PRKAR1B: variants seen among roughly 807,000 people sequenced by gnomAD.
PRKAR1B encodes the protein cAMP-dependent protein kinase type I-beta regulatory subunit.
Under a neutral mutation model 46.5 loss-of-function variants are expected in PRKAR1B, and 22 were observed. The ratio of observed to expected loss-of-function variants is 0.47; its 90% confidence interval spans 0.34 to 0.68. The LOEUF (loss-of-function observed/expected upper bound fraction) is 0.68, where lower values mean the gene tolerates loss of function less well. PRKAR1B is among the 30% of genes least tolerant of loss of function. The pLI, the probability that PRKAR1B is intolerant of heterozygous loss-of-function variation, is 0.01. For missense variants in PRKAR1B, 445 were observed against 535.6 expected (o/e 0.83, Z 1.67); for synonymous variants, 259 against 217.7 (o/e 1.19, Z -1.67).
intron 4 of PRKAR1B, chr7:607,794 G>A (rs189456041): frequency 1.1e-4 from 27 of 244,326 alleles, no homozygotes; most frequent in African/African-American, 3.5e-4. Flanking sequence ...TTCTCCCATC[G>A]GTAAATACAA....
chr7:552,491 C>A (rs1476285829), intron 9 of PRKAR1B, among the ~76,000 whole-genome samples: 1 of 151,214 alleles, frequency 6.6e-6, no homozygotes, highest in Non-Finnish European at 1.5e-5. Flanking sequence ...CCCAAACCCC[C>A]ACCTCCCACC....
intron 4 of PRKAR1B, among the ~76,000 whole-genome samples, chr7:661,466 A>T (rs1272077607): frequency 1.2e-5 from 1 of 82,798 alleles, no homozygotes; most frequent in African/African-American, 5.1e-5. Context: ...CCCATGGCAC[A>T]GTTCCCCACC....
chr7:618,001 C>T (rs1339516291), intron 4 of PRKAR1B, among the ~76,000 whole-genome samples: 1 of 152,140 alleles, frequency 6.6e-6, no homozygotes, highest in Non-Finnish European at 1.5e-5. Flanking sequence ...AGAGGCCCCA[C>T]CCACTTTCCC....
intron 2 of PRKAR1B, among the ~76,000 whole-genome samples, chr7:697,636 A>T (rs552662438): frequency 1.7e-3 from 266 of 152,040 alleles, no homozygotes; most frequent in Non-Finnish European, 3.2e-3. Context: ...GGTCTCCAGG[A>T]GAGGGCTCAC....
intron 9 of PRKAR1B, among the ~76,000 whole-genome samples, chr7:576,359 CCTT>C (rs1413962929): frequency 6.6e-6 from 1 of 152,236 alleles, no homozygotes; most frequent in Non-Finnish European, 1.5e-5. Flanking sequence ...TTTCCCTCCT[CCTT>C]CTCTCCTTTT....
At chr7:568,204 C>G (rs1037624260) in intron 9 of PRKAR1B, among the ~76,000 whole-genome samples, 4 of 152,120 alleles carry the variant, frequency 2.6e-5, no homozygotes, top group Non-Finnish European at 4.4e-5. Flanking sequence ...CCGCTAAGCA[C>G]CCCCTCGGTC....
At chr7:672,151 G>A (rs1467161625) in intron 4 of PRKAR1B, among the ~76,000 whole-genome samples, 3 of 151,422 alleles carry the variant, frequency 2.0e-5, no homozygotes, top group African/African-American at 7.3e-5. Flanking sequence ...CTGTGGAACC[G>A]AATTTGTTTT....
At chr7:691,755 G>A in intron 2 of PRKAR1B, 1 of 1,223,494 alleles carries the variant, frequency 8.2e-7, no homozygotes, top group Non-Finnish European at 1.0e-6. Context: ...TGAGGGGATG[G>A]ACCACAGGGC....
chr7:710,699 G>T lies in PRKAR1B; in HGVS notation c.177+630C>A, dbSNP rs1230761071. Among the ~76,000 whole-genome samples the T allele has an allele frequency of 2.1e-5, 3 of 145,868 alleles. No individual in the cohort carries two copies. In the South Asian group the frequency reaches 6.4e-4, roughly 31 times the overall value. On this transcript the variant is annotated intron_variant, in intron 2 of 10. Transcript: ENST00000537384. Reference sequence around the variant, plus strand: ...CTCGCTCTGTCGCCCAGGCTGGAGTGCAGTGGTGCGATCTCAGCTCACTGC... The same window carrying T: ...CTCGCTCTGTCGCCCAGGCTGGAGTTCAGTGGTGCGATCTCAGCTCACTGC...
At chr7:680,089 C>T (rs1439204109) in intron 3 of PRKAR1B, among the ~76,000 whole-genome samples, 2 of 146,434 alleles carry the variant, frequency 1.4e-5, no homozygotes, top group South Asian at 2.2e-4. Context: ...ACCTGGGAGG[C>T]GGAGCTTGCA....
At chr7:562,444 C>T (rs1406942665) in intron 9 of PRKAR1B, among the ~76,000 whole-genome samples, 1 of 152,192 alleles carries the variant, frequency 6.6e-6, no homozygotes, top group Non-Finnish European at 1.5e-5. Flanking sequence ...AGGACTCCTC[C>T]CAGACGACGG....
At chr7:615,227 C>T (rs904434701) in intron 4 of PRKAR1B, among the ~76,000 whole-genome samples, 1 of 151,612 alleles carries the variant, frequency 6.6e-6, no homozygotes, top group Non-Finnish European at 1.5e-5. Context: ...AGATCGAGAC[C>T]ATCCTGGCTA....
chr7:691,437 G>T, intron 2 of PRKAR1B: 1 of 1,245,258 alleles, frequency 8.0e-7, no homozygotes. Context: ...GGCTTTGATG[G>T]AGAGGGAGTG....
intron 9 of PRKAR1B, among the ~76,000 whole-genome samples, chr7:569,338 C>G (rs976861277): frequency 1.3e-5 from 2 of 152,222 alleles, no homozygotes. Context: ...AACTCACTTA[C>G]GCTGAAAGGC....
intron 4 of PRKAR1B, among the ~76,000 whole-genome samples, chr7:623,974 C>T (rs1783246464): frequency 6.6e-6 from 1 of 150,870 alleles, no homozygotes. Context: ...CTTGGGCTTC[C>T]AACCAGAATT....
chr7:693,622 A>T (rs1000244477), intron 2 of PRKAR1B, among the ~76,000 whole-genome samples: 1 of 152,160 alleles, frequency 6.6e-6, no homozygotes, highest in African/African-American at 2.4e-5. Context: ...CCTTGCGTGG[A>T]GAGGCCACAC....
chr7:690,866 G>A (rs1053823110), intron 2 of PRKAR1B, among the ~76,000 whole-genome samples: 8 of 152,104 alleles, frequency 5.3e-5, no homozygotes, highest in Non-Finnish European at 7.3e-5. Flanking sequence ...AAGGCTGACC[G>A]GTCTCCACTG....
At chr7:635,021 C>G (rs1036413158) in intron 4 of PRKAR1B, among the ~76,000 whole-genome samples, 2 of 152,290 alleles carry the variant, frequency 1.3e-5, no homozygotes, top group East Asian at 3.9e-4. Flanking sequence ...ACTGATGAAG[C>G]AAATGCAGCA....
At chr7:584,435 G>T in intron 8 of PRKAR1B, 73 bp downstream of exon 8, 1 of 1,339,902 alleles carries the variant, frequency 7.5e-7, no homozygotes, top group Non-Finnish European at 1.1e-6. Flanking sequence ...GCAGGGAATG[G>T]GGAAGAGGCC....
Sources: gnomAD v4.1 joint callset for allele counts (sites outside exome capture counted in the v4.1 genomes callset) on GRCh38, gnomAD v4.1.1 for gene constraint, MANE v1.5 for transcripts, NCBI Gene and HGNC (gene_info 2026-07-23, HGNC 2026-07-21) for gene names.